Variants in EXT2 observed in about 807,000 individuals in gnomAD.
The protein encoded by EXT2 is exostosin-2.
Under a neutral mutation model 81.6 loss-of-function variants are expected in EXT2, and 53 were observed. That is an observed-to-expected ratio of 0.65 (90% CI 0.52 to 0.82). The LOEUF (loss-of-function observed/expected upper bound fraction) is 0.82, where lower values mean the gene tolerates loss of function less well. Ranked by LOEUF, EXT2 falls within the 40% of genes least tolerant of loss-of-function variation. EXT2 has a pLI of 0.00. For synonymous variants in EXT2, 320 were observed against 340.0 expected, an observed-to-expected ratio of 0.94 and a Z score of 0.65; for missense variants, 774 against 910.2, an observed-to-expected ratio of 0.85 and a Z score of 1.93.
chr11:44,096,206 GC>G, intron 1 of EXT2: 1 of 1,522,900 alleles, frequency 6.6e-7, no homozygotes, highest in Non-Finnish European at 8.8e-7. Flanking sequence ...CTCCCTTCCT[GC>G]TGCCACCTTC....
chr11:44,204,485 C>G (rs77882960), intron 9 of EXT2, among the ~76,000 whole-genome samples: 1 of 152,084 alleles, frequency 6.6e-6, no homozygotes, highest in Non-Finnish European at 1.5e-5. Flanking sequence ...TGAAAACCAC[C>G]GGTCTGGTAG....
intron 7 of EXT2, among the ~76,000 whole-genome samples, chr11:44,132,892 CTT>C (rs1954514488): frequency 6.6e-6 from 1 of 152,218 alleles, no homozygotes; most frequent in Non-Finnish European, 1.5e-5. Context: ...AAAATGACCT[CTT>C]TTCTTTTCCT....
intron 13 of EXT2, among the ~76,000 whole-genome samples, chr11:44,238,826 A>G (rs1486006020): frequency 6.6e-6 from 1 of 152,222 alleles, no homozygotes; most frequent in Admixed American, 6.5e-5. Context: ...CAAGTTCAAC[A>G]AGAAGAAGCC....
chr11:44,165,656 A>G (rs1954985299), intron 7 of EXT2, among the ~76,000 whole-genome samples: 1 of 152,242 alleles, frequency 6.6e-6, no homozygotes, highest in African/African-American at 2.4e-5. Flanking sequence ...ATATGTGAGC[A>G]TAAGGCTTTG....
rs1956115155 is a variant in EXT2, at chr11:44,248,648, G to A, written c.*4361G>A. 6.6e-6 allele frequency among the ~76,000 whole-genome samples: 1 copy of A among 152,232 alleles called. No individual in the cohort carries two copies. Among genetic ancestry groups the A allele is most frequent in the Non-Finnish European group, 1.5e-5 (1 of 68,038 alleles). ...TCCCCCTCATTTTAGGGTGGGAGCT[G>A]TGAGTTCATCTGAAGACTGGGTGAG... On this transcript the variant is annotated 3_prime_UTR_variant, in exon 14 of 14. Coordinates refer to ENST00000533608, the MANE Select transcript of EXT2 (RefSeq NM_207122.2).
intron 10 of EXT2, among the ~76,000 whole-genome samples, chr11:44,229,827 G>T (rs12790182): frequency 0.24 from 36,903 of 152,054 alleles, 5,550 homozygotes; most frequent in Admixed American, 0.41. Flanking sequence ...CTTCATTCTT[G>T]GCTTTTTACT....
rs1349491230 is a variant in EXT2, at chr11:44,241,100, T to A, written c.2019-3049T>A. Among the ~76,000 whole-genome samples the A allele has an allele frequency of 2.6e-5, 4 of 152,198 alleles. No homozygotes were observed. The East Asian group carries it at 7.7e-4, about 29-fold the overall frequency. ...TTCAGTAGCTCATTTATTCCTATAT[T>A]TGGGGGTCTGGGATCAGAAATCTCA... On this transcript the variant is annotated intron_variant, in intron 13 of 13. Coordinates refer to ENST00000533608, the MANE Select transcript of EXT2 (RefSeq NM_207122.2).
chr11:44,236,856 G>A (rs1160726860), intron 13 of EXT2, among the ~76,000 whole-genome samples: 2 of 152,124 alleles, frequency 1.3e-5, no homozygotes, highest in East Asian at 3.9e-4. Context: ...CAGACAGAGG[G>A]GCAAGACAGC....
intron 7 of EXT2, among the ~76,000 whole-genome samples, chr11:44,148,526 A>G (rs1335802265): frequency 1.3e-5 from 2 of 152,200 alleles, no homozygotes; most frequent in Non-Finnish European, 2.9e-5. Flanking sequence ...GAAGTCTAGA[A>G]AAAAGCAGGA....
intron 10 of EXT2, among the ~76,000 whole-genome samples, chr11:44,209,934 C>T (rs1262047859): frequency 1.3e-5 from 2 of 152,226 alleles, no homozygotes; most frequent in South Asian, 2.1e-4. Context: ...CAGTTCATTG[C>T]ATTCAGTAGT....
At chr11:44,187,859 A>T (rs935951139) in intron 8 of EXT2, among the ~76,000 whole-genome samples, 4 of 152,194 alleles carry the variant, frequency 2.6e-5, no homozygotes, top group African/African-American at 4.8e-5. Flanking sequence ...ATGGAGGTCC[A>T]AAAAAGTATG....
At chr11:44,152,333 A>G (rs988692599) in intron 7 of EXT2, among the ~76,000 whole-genome samples, 4 of 152,012 alleles carry the variant, frequency 2.6e-5, no homozygotes, top group African/African-American at 9.7e-5. Context: ...ATCATCTAGG[A>G]GTTTTATAGG....
At position 44,107,880 on chromosome 11, in the gene EXT2, G is replaced by T. The variant is rs752132275; in HGVS notation, c.168G>T (p.Trp56Cys). The T allele has an allele frequency of 2.3e-5, 37 of 1,614,090 alleles. No homozygotes were observed. Among genetic ancestry groups the T allele is most frequent in the Non-Finnish European group, 2.9e-5 (34 of 1,180,042 alleles). Residue 56 changes from tryptophan to cysteine, a missense_variant, in exon 2 of 14, where the codon TGG becomes TGT. By Grantham distance (215) the Trp-to-Cys change is radical. Transcript: ENST00000533608. ...ATTCTATCGAGTCCTCAAATGACTGGAATGTAGAGAAGCGCAGCATCCGTG... is the reference window on the plus strand; with the variant it reads ...ATTCTATCGAGTCCTCAAATGACTGTAATGTAGAGAAGCGCAGCATCCGTG... ...WPHSIESSNDWNVEKRSIRDV... is the reference protein window; with the variant it reads ...WPHSIESSNDCNVEKRSIRDV...
intron 6 of EXT2, among the ~76,000 whole-genome samples, chr11:44,127,350 G>A (rs1057252910): frequency 6.6e-6 from 1 of 152,196 alleles, no homozygotes; most frequent in Non-Finnish European, 1.5e-5. Context: ...GGGCTGCACA[G>A]CAGGAGGTGA....
chr11:44,216,992 C>A (rs988390088), intron 10 of EXT2, among the ~76,000 whole-genome samples: 1 of 146,486 alleles, frequency 6.8e-6, no homozygotes, highest in Admixed American at 6.9e-5. Flanking sequence ...AACAAGGCTG[C>A]GGCACACTAG....
intron 7 of EXT2, 68 bp downstream of exon 7, chr11:44,130,206 G>T: frequency 8.0e-7 from 1 of 1,257,752 alleles, no homozygotes; most frequent in South Asian, 1.2e-5. Context: ...TGGATACAGA[G>T]GGACAGGAGC....
intron 8 of EXT2, among the ~76,000 whole-genome samples, chr11:44,185,535 GA>G (rs1955299432): frequency 6.6e-6 from 1 of 152,004 alleles, no homozygotes. Flanking sequence ...TTTTTTTCAG[GA>G]AGAAGCAGAG....
At chr11:44,123,807 G>A (rs1463115662) in intron 4 of EXT2, among the ~76,000 whole-genome samples, 1 of 151,928 alleles carries the variant, frequency 6.6e-6, no homozygotes, top group East Asian at 1.9e-4. Context: ...TTCCAGGAGG[G>A]AATTACTTCC....
chr11:44,216,146 G>T (rs1299653219), intron 10 of EXT2, among the ~76,000 whole-genome samples: 1 of 152,138 alleles, frequency 6.6e-6, no homozygotes, highest in Non-Finnish European at 1.5e-5. Flanking sequence ...AAAGTGCTGG[G>T]ATTACAGGCG....
Sources: allele counts gnomAD v4.1 joint callset (sites outside exome capture counted in the v4.1 genomes callset), GRCh38; gene constraint gnomAD v4.1.1; transcripts MANE v1.5; gene names NCBI Gene and HGNC (gene_info 2026-07-23, HGNC 2026-07-21).